Variants in AGBL4 observed in about 807,000 individuals in gnomAD.
The protein encoded by AGBL4 is cytosolic carboxypeptidase 6.
In AGBL4, 58 loss-of-function variants were observed where a neutral mutation model predicts 66.4. That is an observed-to-expected ratio of 0.87 (90% confidence interval 0.71 to 1.09). AGBL4 has a LOEUF of 1.09. Among genes scored for constraint, AGBL4 ranks in the 50% least tolerant of loss-of-function variants. AGBL4 has a pLI of 0.00. For synonymous variants in AGBL4, 234 were observed against 222.9 expected, an observed-to-expected ratio of 1.05 and a Z score of -0.44; for missense variants, 579 against 631.0, an observed-to-expected ratio of 0.92 and a Z score of 0.88.
chr1:49,413,239 A>G (rs1645354164), intron 3 of AGBL4, among the ~76,000 whole-genome samples: 1 of 152,146 alleles, frequency 6.6e-6, no homozygotes, highest in African/African-American at 2.4e-5. Flanking sequence ...AACACTTCAT[A>G]TTTGCATGCA....
intron 6 of AGBL4, among the ~76,000 whole-genome samples, chr1:48,712,909 G>T (rs909255602): frequency 1.3e-5 from 2 of 152,228 alleles, no homozygotes; most frequent in East Asian, 1.9e-4. Context: ...GGAGATGGCG[G>T]CCACCCAGGA....
At chr1:49,628,698 T>C (rs1645511563) in intron 3 of AGBL4, among the ~76,000 whole-genome samples, 1 of 152,176 alleles carries the variant, frequency 6.6e-6, no homozygotes, top group Non-Finnish European at 1.5e-5. Context: ...GTTCAATGTA[T>C]TCCAGATGTC....
chr1:49,230,615 G>T (rs1650239598), intron 4 of AGBL4, among the ~76,000 whole-genome samples: 1 of 152,118 alleles, frequency 6.6e-6, no homozygotes, highest in African/African-American at 2.4e-5. Flanking sequence ...TGGGGTTTCA[G>T]TTGCACTAAA....
At position 49,694,535 on chromosome 1, in the gene AGBL4, T is replaced by C. The variant is rs191964814; in HGVS notation, c.282+2778A>G. 2.5e-3 allele frequency among the ~76,000 whole-genome samples: 386 copies of C among 152,234 alleles called. 1 individual carries two copies. Among genetic ancestry groups the C allele is most frequent in the African/African-American group, 8.8e-3 (366 of 41,548 alleles). ...GGAACAAGGATAGGATAGCACTCTATATGCAGACAGAACCCAGAGACAGGG... is the reference window on the plus strand; with the variant it reads ...GGAACAAGGATAGGATAGCACTCTACATGCAGACAGAACCCAGAGACAGGG... On this transcript the variant is annotated intron_variant, in intron 3 of 13. Transcript: ENST00000371839.
chr1:49,980,744 C>A (rs938643186), intron 1 of AGBL4, among the ~76,000 whole-genome samples: 1 of 152,182 alleles, frequency 6.6e-6, no homozygotes, highest in Admixed American at 6.5e-5. Context: ...GTGCAAATAT[C>A]TCTTCAAGAT....
intron 11 of AGBL4, among the ~76,000 whole-genome samples, chr1:48,553,077 C>A (rs1181686713): frequency 2.0e-5 from 3 of 152,084 alleles, no homozygotes; most frequent in African/African-American, 7.2e-5. Context: ...CTCTCCAAAT[C>A]CCACACTATC....
chr1:49,881,905 G>A (rs1210095593), intron 1 of AGBL4, among the ~76,000 whole-genome samples: 2 of 152,054 alleles, frequency 1.3e-5, no homozygotes, highest in Admixed American at 6.5e-5. Flanking sequence ...GATCCCATTT[G>A]TCAATTTTGG....
intron 4 of AGBL4, among the ~76,000 whole-genome samples, chr1:49,096,842 TA>T (rs995572851): frequency 3.2e-4 from 46 of 142,764 alleles, no homozygotes; most frequent in South Asian, 2.5e-3. Context: ...AGTATAATAA[TA>T]AAAAAAAAAC....
intron 4 of AGBL4, among the ~76,000 whole-genome samples, chr1:49,197,592 G>T (rs1647332409): frequency 6.6e-6 from 1 of 152,198 alleles, no homozygotes; most frequent in Admixed American, 6.5e-5. Context: ...AAGCCAGGCA[G>T]TTGGGACTGG....
At chr1:49,420,865 T>TTC in intron 3 of AGBL4, among the ~76,000 whole-genome samples, 1 of 152,164 alleles carries the variant, frequency 6.6e-6, no homozygotes, top group Non-Finnish European at 1.5e-5. Flanking sequence ...ATGCTGGGGA[T>TTC]AATGAGGTGC....
chr1:48,786,015 TAAAA>T (rs35133989), intron 6 of AGBL4, among the ~76,000 whole-genome samples: 3 of 143,236 alleles, frequency 2.1e-5, no homozygotes, highest in Admixed American at 7.0e-5. Flanking sequence ...CCCCTAGACT[TAAAA>T]AAAAAAAAGA....
intron 11 of AGBL4, among the ~76,000 whole-genome samples, chr1:48,551,569 C>G (rs1016396275): frequency 4.6e-5 from 7 of 151,784 alleles, no homozygotes; most frequent in Non-Finnish European, 1.0e-4. Flanking sequence ...AAAAGCAAGA[C>G]AAAAACAAAT....
At chr1:49,827,200 C>T (rs980201635) in intron 2 of AGBL4, among the ~76,000 whole-genome samples, 5 of 151,468 alleles carry the variant, frequency 3.3e-5, no homozygotes, top group East Asian at 3.9e-4. Context: ...AAGAGATATG[C>T]GGTATATCAG....
intron 3 of AGBL4, among the ~76,000 whole-genome samples, chr1:49,489,228 T>C (rs1647135527): frequency 6.6e-6 from 1 of 151,918 alleles, no homozygotes; most frequent in African/African-American, 2.4e-5. Flanking sequence ...CCATTTTAAC[T>C]GGAGTAAGAT....
At position 49,045,919 on chromosome 1, in the gene AGBL4, G is replaced by C. The variant is rs1644068221; in HGVS notation, c.378-119C>G. On this transcript the variant is annotated intron_variant, in intron 4 of 13. Transcript: ENST00000371839. ...TAACATCAAGAACCATGGGTGATGGGGCTGGGAGAATGACAACACAAACCA... is the reference window on the plus strand; with the variant it reads ...TAACATCAAGAACCATGGGTGATGGCGCTGGGAGAATGACAACACAAACCA... 3.6e-6 allele frequency: 3 copies of C among 834,610 alleles called. No individual in the cohort carries two copies. In the South Asian group the frequency reaches 5.6e-5, roughly 15 times the overall value. 51.7% of individuals were successfully genotyped at this position (834,610 alleles called of 1,614,324 possible).
intron 5 of AGBL4, among the ~76,000 whole-genome samples, chr1:49,031,860 T>C (rs1365048118): frequency 6.6e-6 from 1 of 151,962 alleles, no homozygotes; most frequent in Non-Finnish European, 1.5e-5. Flanking sequence ...TAAAGAAAAA[T>C]GTTGAATGAG....
chr1:49,142,866 C>T (rs1646145686), intron 4 of AGBL4, among the ~76,000 whole-genome samples: 1 of 152,106 alleles, frequency 6.6e-6, no homozygotes, highest in African/African-American at 2.4e-5. Context: ...TACCCTTGTA[C>T]AATGGGCAAG....
At chr1:48,655,454 G>T (rs1287568017) in intron 7 of AGBL4, among the ~76,000 whole-genome samples, 2 of 152,180 alleles carry the variant, frequency 1.3e-5, no homozygotes, top group African/African-American at 2.4e-5. Context: ...GGGACCAGGG[G>T]AGCAGAAAGT....
chr1:48,559,708 T>C (rs1644368893), intron 11 of AGBL4, among the ~76,000 whole-genome samples: 1 of 152,164 alleles, frequency 6.6e-6, no homozygotes, highest in Non-Finnish European at 1.5e-5. Flanking sequence ...CCCTCGAATG[T>C]TCTTAATCCA....
Sources: gnomAD v4.1 joint callset for allele counts (sites outside exome capture counted in the v4.1 genomes callset) on GRCh38, gnomAD v4.1.1 for gene constraint, MANE v1.5 for transcripts, NCBI Gene and HGNC (gene_info 2026-07-23, HGNC 2026-07-21) for gene names.